The following ARL8B variants were observed in gnomAD, a reference collection of about 807,000 sequenced individuals.
ARL8B encodes ARF like GTPase 8B.
In ARL8B, 9 loss-of-function variants were observed where a neutral mutation model predicts 30.6. The observed-to-expected ratio is 0.29, with a 90% CI of 0.18 to 0.51. The LOEUF is 0.51. ARL8B is among the 20% of genes least tolerant of loss of function. The probability of loss-of-function intolerance (pLI) is 0.97; values close to 1 mark genes in which losing one functional copy is unlikely to be tolerated. For missense variants in ARL8B, 130 were observed against 227.2 expected, an observed-to-expected ratio of 0.57 and a Z score of 2.75; for synonymous variants, 74 against 76.0, an observed-to-expected ratio of 0.97 and a Z score of 0.14.
intron 1 of ARL8B, among the ~76,000 whole-genome samples, chr3:5,138,639 A>T (rs145681222): frequency 6.6e-6 from 1 of 152,224 alleles, no homozygotes. Context: ...TGTCACTCCA[A>T]CTTCTTACTG....
chr3:5,125,541 T>G (rs1482157893), intron 1 of ARL8B, among the ~76,000 whole-genome samples: 1 of 151,570 alleles, frequency 6.6e-6, no homozygotes, highest in Non-Finnish European at 1.5e-5. Context: ...ATTATCTTTT[T>G]TTTTTTTTTG....
At chr3:5,167,955 A>G (rs766729330) in intron 1 of ARL8B, among the ~76,000 whole-genome samples, 1 of 152,234 alleles carries the variant, frequency 6.6e-6, no homozygotes, top group South Asian at 2.1e-4. Flanking sequence ...GGAAAGAAGT[A>G]GAAAATACTT....
chr3:5,165,149 C>A (rs1350727368), intron 1 of ARL8B, among the ~76,000 whole-genome samples: 1 of 152,138 alleles, frequency 6.6e-6, no homozygotes, highest in Non-Finnish European at 1.5e-5. Context: ...AGCTAATGAT[C>A]AGTTTGTGGG....
intron 1 of ARL8B, among the ~76,000 whole-genome samples, chr3:5,154,267 GTCCCACAGA>G (rs534944404): frequency 2.7e-5 from 4 of 149,082 alleles, no homozygotes; most frequent in African/African-American, 9.9e-5. Flanking sequence ...TTTTTATATT[GTCCCACAGA>G]TCCTGTTCAT....
intron 1 of ARL8B, among the ~76,000 whole-genome samples, chr3:5,154,502 T>G (rs2054515351): frequency 6.6e-6 from 1 of 151,942 alleles, no homozygotes; most frequent in South Asian, 2.1e-4. Flanking sequence ...GCCCAGCTAA[T>G]TTTTGTTTTT....
At chr3:5,145,096 C>G (rs543730026) in intron 1 of ARL8B, among the ~76,000 whole-genome samples, 15 of 152,106 alleles carry the variant, frequency 9.9e-5, no homozygotes, top group Non-Finnish European at 1.5e-4. Context: ...TCTTTGCCAT[C>G]TATCCACTTG....
At chr3:5,167,612 G>A (rs79406582) in intron 1 of ARL8B, among the ~76,000 whole-genome samples, 2,510 of 152,198 alleles carry the variant, frequency 0.016, 41 homozygotes, top group South Asian at 0.052. Flanking sequence ...TGTGACTTTA[G>A]GCAAGTGACT....
intron 1 of ARL8B, among the ~76,000 whole-genome samples, chr3:5,163,032 G>A (rs1398992437): frequency 3.7e-5 from 5 of 136,522 alleles, no homozygotes; most frequent in Admixed American, 3.2e-4. Context: ...GTGTCACCCA[G>A]GCTGGAGTGC....
chr3:5,151,164 C>T (rs1354995808), intron 1 of ARL8B, among the ~76,000 whole-genome samples: 1 of 151,976 alleles, frequency 6.6e-6, no homozygotes, highest in Non-Finnish European at 1.5e-5. Flanking sequence ...TTTCTGTGTT[C>T]AGTATTATTT....
At chr3:5,147,597 T>C (rs2054439929) in intron 1 of ARL8B, among the ~76,000 whole-genome samples, 1 of 152,184 alleles carries the variant, frequency 6.6e-6, no homozygotes, top group Non-Finnish European at 1.5e-5. Flanking sequence ...GATTTTGATT[T>C]AACGTTTTTC....
chr3:5,179,506 A>G lies in ARL8B; in HGVS notation c.*793A>G, dbSNP rs1309361409. 6.6e-6 allele frequency: 1 copy of G among 152,518 alleles called. No homozygotes were observed. Among genetic ancestry groups the G allele is most frequent in the East Asian group, 1.9e-4 (1 of 5,198 alleles). 9.4% of individuals were successfully genotyped at this position (152,518 alleles called of 1,614,324 possible). ...AGGATACTTTTTTAAGGGGTTGAGA[A>G]TTGAAGATTTTCCAAAAGCGTTCAT... On this transcript the variant is annotated 3_prime_UTR_variant, in exon 7 of 7. Coordinates refer to ENST00000256496, the MANE Select transcript of ARL8B (RefSeq NM_018184.3).
chr3:5,155,186 C>T (rs551590821), intron 1 of ARL8B, among the ~76,000 whole-genome samples: 2 of 152,272 alleles, frequency 1.3e-5, no homozygotes, highest in South Asian at 4.1e-4. Flanking sequence ...AAATAGGATT[C>T]TCGGTTAACA....
At chr3:5,153,460 C>G (rs535913024) in intron 1 of ARL8B, among the ~76,000 whole-genome samples, 1 of 152,130 alleles carries the variant, frequency 6.6e-6, no homozygotes, top group Non-Finnish European at 1.5e-5. Context: ...TGCCTTCCAC[C>G]GTGATTGTGA....
At chr3:5,145,242 G>A (rs113872536) in intron 1 of ARL8B, among the ~76,000 whole-genome samples, 7 of 152,260 alleles carry the variant, frequency 4.6e-5, no homozygotes, top group African/African-American at 1.7e-4. Context: ...CTTTGTATAG[G>A]AAACTGGCTG....
chr3:5,170,840 C>T lies in ARL8B; in HGVS notation c.204+257C>T, dbSNP rs545389456. Reference sequence around the variant, plus strand: ...TCTACCTCCCGGTTCAAGTGATTCTCCTGCCTCAGCCTCCAAAATAGCTAA... The same window carrying T: ...TCTACCTCCCGGTTCAAGTGATTCTTCTGCCTCAGCCTCCAAAATAGCTAA... On this transcript the variant is annotated intron_variant, in intron 2 of 6. Coordinates refer to ENST00000256496, the MANE Select transcript of ARL8B (RefSeq NM_018184.3). The T allele has an allele frequency of 3.8e-4, 108 of 284,046 alleles. 1 individual carries two copies. Among genetic ancestry groups the T allele is most frequent in the African/African-American group, 2.2e-3 (99 of 44,578 alleles). 17.6% of individuals were successfully genotyped at this position (284,046 alleles called of 1,614,324 possible).
At chr3:5,177,566 C>T (rs1267759527) in intron 6 of ARL8B, among the ~76,000 whole-genome samples, 1 of 151,800 alleles carries the variant, frequency 6.6e-6, no homozygotes, top group Non-Finnish European at 1.5e-5. Flanking sequence ...AAGTGATCTC[C>T]TGCCTCAGCC....
chr3:5,158,421 C>T (rs1316401056), intron 1 of ARL8B, among the ~76,000 whole-genome samples: 1 of 152,184 alleles, frequency 6.6e-6, no homozygotes, highest in African/African-American at 2.4e-5. Context: ...TTCCCTGTAC[C>T]AAGCACTGTT....
chr3:5,140,535 G>T (rs1391174692), intron 1 of ARL8B, among the ~76,000 whole-genome samples: 3 of 150,500 alleles, frequency 2.0e-5, no homozygotes, highest in Non-Finnish European at 2.9e-5. Flanking sequence ...AGCAGCATGA[G>T]AACAGACTCA....
At chr3:5,139,740 A>G (rs959359505) in intron 1 of ARL8B, among the ~76,000 whole-genome samples, 2 of 152,214 alleles carry the variant, frequency 1.3e-5, no homozygotes, top group African/African-American at 4.8e-5. Context: ...TTCATGGCCC[A>G]GAAAAACTCC....
Sources: gnomAD v4.1 joint callset for allele counts (sites outside exome capture counted in the v4.1 genomes callset) on GRCh38, gnomAD v4.1.1 for gene constraint, MANE v1.5 for transcripts, NCBI Gene and HGNC (gene_info 2026-07-23, HGNC 2026-07-21) for gene names.